COBLL1: variants seen among roughly 807,000 people sequenced by gnomAD.
COBLL1 encodes the protein cordon-bleu WH2 repeat protein like 1, also known as cordon-bleu protein-like 1.
Under a neutral mutation model 94.8 loss-of-function variants are expected in COBLL1, and 50 were observed. The ratio of observed to expected loss-of-function variants is 0.53; its 90% CI spans 0.42 to 0.67. The LOEUF (loss-of-function observed/expected upper bound fraction) is 0.67, where lower values mean the gene tolerates loss of function less well. Ranked by LOEUF, COBLL1 falls within the 30% of genes least tolerant of loss-of-function variation. The probability of loss-of-function intolerance (pLI) is 0.00; values close to 1 mark genes in which losing one functional copy is unlikely to be tolerated. For synonymous variants in COBLL1, 448 were observed against 473.8 expected (o/e 0.95, Z 0.71); for missense variants, 1,362 against 1,348.7 (o/e 1.01, Z -0.15).
intron 7 of COBLL1, among the ~76,000 whole-genome samples, chr2:164,717,931 G>A (rs184513185): frequency 6.6e-6 from 1 of 152,246 alleles, no homozygotes; most frequent in East Asian, 1.9e-4. Flanking sequence ...GTATAGTTTA[G>A]TTGGACCTTA....
chr2:164,733,909 A>G (rs1324450044), intron 3 of COBLL1, among the ~76,000 whole-genome samples: 1 of 152,228 alleles, frequency 6.6e-6, no homozygotes, highest in Admixed American at 6.5e-5. Context: ...ATATAAGTAG[A>G]CACATTTGGT....
intron 9 of COBLL1, chr2:164,703,148 A>C: frequency 6.2e-7 from 1 of 1,613,932 alleles, no homozygotes; most frequent in South Asian, 1.1e-5. Flanking sequence ...AGGGCACTCA[A>C]AGACAGAGGT....
At chr2:164,833,206 T>C (rs964495286) in intron 2 of COBLL1, among the ~76,000 whole-genome samples, 1 of 151,604 alleles carries the variant, frequency 6.6e-6, no homozygotes, top group Non-Finnish European at 1.5e-5. Flanking sequence ...GTACAAAAAT[T>C]AGCTGGGCAT....
intron 5 of COBLL1, among the ~76,000 whole-genome samples, chr2:164,725,505 C>T (rs771810335): frequency 1.3e-5 from 2 of 152,054 alleles, no homozygotes; most frequent in South Asian, 4.1e-4. Context: ...ACAGCCCTGA[C>T]CTCCCTGGGC....
At chr2:164,767,698 G>T in intron 2 of COBLL1, among the ~76,000 whole-genome samples, 1 of 152,022 alleles carries the variant, frequency 6.6e-6, no homozygotes, top group Admixed American at 6.6e-5. Flanking sequence ...CATTATTTTA[G>T]TGTCCCATTC....
intron 3 of COBLL1, 56 bp downstream of exon 3, chr2:164,743,631 C>G (rs1686707891): frequency 7.3e-7 from 1 of 1,375,204 alleles, no homozygotes; most frequent in African/African-American, 1.4e-5. Context: ...ATCACAGAGA[C>G]TTTCAATGGT....
At position 164,704,454 on chromosome 2, in the gene COBLL1, T is replaced by C. The variant is rs781490777; in HGVS notation, c.1215A>G (p.Leu405=). 40 of 1,610,170 alleles carry C rather than the reference T, an allele frequency of 2.5e-5. No homozygotes were observed. Among genetic ancestry groups the C allele is most frequent in the Non-Finnish European group, 3.2e-5 (38 of 1,176,510 alleles). ...ATAAGGGTGTCATACCTGGGCTGGA[T>C]AGCTCCTCAGGAGAGTTTGCTTCTG... ...SASEANSPEE[L]SSPAGISSDY... is the part of the protein sequence containing the mutation. The change falls in exon 9 of 14, where the codon CTA becomes CTG. Residue 405 remains leucine, a synonymous_variant. Transcript: ENST00000652658.
intron 2 of COBLL1, among the ~76,000 whole-genome samples, chr2:164,763,130 G>A (rs1233371119): frequency 6.6e-6 from 1 of 152,114 alleles, no homozygotes; most frequent in Admixed American, 6.5e-5. Flanking sequence ...AGCCTGCAAA[G>A]TCTAAAATGT....
chr2:164,739,188 T>C (rs1183899480), intron 3 of COBLL1, among the ~76,000 whole-genome samples: 2 of 152,134 alleles, frequency 1.3e-5, no homozygotes, highest in Admixed American at 1.3e-4. Context: ...GTACCAAAAA[T>C]AGTTGAGCTG....
Position 164,695,128 on chromosome 2 carries a change from T to C in COBLL1, c.2264A>G (p.Tyr755Cys), listed in dbSNP as rs73013650. The C allele has an allele frequency of 2.0e-3, 3,165 of 1,613,984 alleles. 50 individuals carry two copies. In the African/African-American group the frequency reaches 0.035, roughly 18 times the overall value. The change falls in exon 12 of 14, where the codon TAT (tyrosine) becomes TGT (cysteine). Residue 755 changes from tyrosine (Y) to cysteine (C), a missense_variant. Coordinates refer to ENST00000652658, the MANE Select transcript of COBLL1 (RefSeq NM_001365672.2). ...SKDWQSETIE[Y>C]KDDQDMHALG... Reference sequence around the variant, plus strand: ...AGCATGCATGTCCTGATCATCTTTATACTCTATGGTTTCTGATTGCCAGTC... The same window carrying C: ...AGCATGCATGTCCTGATCATCTTTACACTCTATGGTTTCTGATTGCCAGTC...
At chr2:164,768,155 G>C (rs774080281) in intron 2 of COBLL1, among the ~76,000 whole-genome samples, 16 of 151,940 alleles carry the variant, frequency 1.1e-4, no homozygotes, top group Non-Finnish European at 2.2e-4. Context: ...TTTTTTTTTA[G>C]TTTGTCCAAA....
intron 2 of COBLL1, among the ~76,000 whole-genome samples, chr2:164,746,233 G>A (rs1161495677): frequency 6.6e-6 from 1 of 152,134 alleles, no homozygotes; most frequent in Non-Finnish European, 1.5e-5. Context: ...GCCAACTGGT[G>A]TCCCTGCTCC....
chr2:164,731,893 T>G (rs1227360111), intron 3 of COBLL1, among the ~76,000 whole-genome samples: 1 of 152,198 alleles, frequency 6.6e-6, no homozygotes, highest in African/African-American at 2.4e-5. Flanking sequence ...CAGCCTCTGA[T>G]GCAGTTCTTC....
intron 2 of COBLL1, among the ~76,000 whole-genome samples, chr2:164,795,420 T>C (rs1574602819): frequency 6.6e-6 from 1 of 152,202 alleles, no homozygotes; most frequent in East Asian, 1.9e-4. Context: ...ACATGTTTCA[T>C]GGCATTATTG....
chr2:164,835,139 A>G (rs1683260056), intron 2 of COBLL1, among the ~76,000 whole-genome samples: 2 of 152,234 alleles, frequency 1.3e-5, no homozygotes, highest in African/African-American at 4.8e-5. Flanking sequence ...TAAAACTGCT[A>G]TATGATCCAG....
chr2:164,699,531 G>C (rs1157073087), intron 10 of COBLL1, 32 bp from the exon 11 acceptor site: 4 of 1,295,154 alleles, frequency 3.1e-6, no homozygotes, highest in Non-Finnish European at 4.5e-6. Flanking sequence ...GTTATATGTT[G>C]ATACTATTGA....
At chr2:164,801,565 C>T (rs1198798823) in intron 2 of COBLL1, among the ~76,000 whole-genome samples, 1 of 150,316 alleles carries the variant, frequency 6.7e-6, no homozygotes, top group Non-Finnish European at 1.5e-5. Flanking sequence ...TTACACTAAG[C>T]TATGATCACA....
intron 2 of COBLL1, among the ~76,000 whole-genome samples, chr2:164,814,658 G>C (rs3769914): frequency 0.35 from 53,732 of 151,882 alleles, 9,708 homozygotes; most frequent in Admixed American, 0.41. Context: ...TATCTCCATA[G>C]GAAGTCCTAC....
intron 3 of COBLL1, among the ~76,000 whole-genome samples, chr2:164,741,693 A>G: frequency 6.6e-6 from 1 of 152,184 alleles, no homozygotes; most frequent in Non-Finnish European, 1.5e-5. Context: ...TGACTGATGG[A>G]AAGTTACTCA....
Sources: gnomAD v4.1 joint callset for allele counts (sites outside exome capture counted in the v4.1 genomes callset) on GRCh38, gnomAD v4.1.1 for gene constraint, MANE v1.5 for transcripts, NCBI Gene and HGNC (gene_info 2026-07-23, HGNC 2026-07-21) for gene names.